DIAPH2: variants seen among roughly 807,000 people sequenced by gnomAD.
The protein encoded by DIAPH2 is diaphanous related formin 2, also known as protein diaphanous homolog 2.
DIAPH2 carries 35 observed loss-of-function variants against 92.7 expected under a neutral mutation model. The observed-to-expected ratio is 0.38, with a 90% CI of 0.29 to 0.50. DIAPH2 has a LOEUF of 0.50. DIAPH2 is among the 20% of genes least tolerant of loss of function. The pLI is 0.94. For synonymous variants in DIAPH2, 301 were observed against 280.4 expected (o/e 1.07, Z -0.73); for missense variants, 701 against 819.5 (o/e 0.86, Z 1.77).
intron 22 of DIAPH2, among the ~76,000 whole-genome samples, chrX:97,146,207 A>T (rs777405636): frequency 4.6e-5 from 5 of 108,714 alleles, no homozygotes; most frequent in African/African-American, 1.7e-4. Context: ...ATCACACTTT[A>T]TCACATTCAG....
chrX:96,738,522 T>G, intron 2 of DIAPH2, 64 bp from the exon 3 acceptor site: 1 of 964,346 alleles, frequency 1.0e-6, no homozygotes, highest in Non-Finnish European at 1.4e-6. Context: ...ATGTTTCAAT[T>G]CTTCATGTTA....
chrX:97,183,146 G>A (rs747732969), intron 22 of DIAPH2, among the ~76,000 whole-genome samples: 20 of 111,723 alleles, frequency 1.8e-4, no homozygotes, highest in African/African-American at 6.2e-4. Context: ...AAAAACTTTT[G>A]CGAATTTGTT....
intron 26 of DIAPH2, among the ~76,000 whole-genome samples, chrX:97,597,317 G>A (rs112391092): frequency 8.9e-6 from 1 of 112,131 alleles, no homozygotes; most frequent in African/African-American, 3.2e-5. Context: ...ATGTCTTTTC[G>A]TCAGTTTGTT....
intron 21 of DIAPH2, among the ~76,000 whole-genome samples, chrX:97,130,132 A>G (rs1174127356): frequency 8.9e-6 from 1 of 112,458 alleles, no homozygotes; most frequent in Non-Finnish European, 1.9e-5. Flanking sequence ...GATGTGGAGA[A>G]ATTTGAACCC....
At chrX:96,854,598 C>CATATATATATAT (rs57209486) in intron 4 of DIAPH2, among the ~76,000 whole-genome samples, 12 of 37,112 alleles carry the variant, frequency 3.2e-4, no homozygotes, top group Non-Finnish European at 4.2e-4. Flanking sequence ...CTCTCTCTCT[C>CATATATATATAT]ATATATATAT....
intron 17 of DIAPH2, among the ~76,000 whole-genome samples, chrX:97,010,021 G>A (rs954059885): frequency 3.6e-5 from 4 of 111,842 alleles, no homozygotes; most frequent in Admixed American, 9.4e-5. Context: ...GCCCAGGAAT[G>A]GCAGTTCTTG....
At chrX:97,063,300 A>AT (rs1378113567) in intron 17 of DIAPH2, among the ~76,000 whole-genome samples, 1 of 111,362 alleles carries the variant, frequency 9.0e-6, no homozygotes, top group Non-Finnish European at 1.9e-5. Context: ...TGTGCATAGA[A>AT]TAAGAACTGT....
At chrX:97,366,652 T>C (rs2069384133) in intron 24 of DIAPH2, among the ~76,000 whole-genome samples, 3 of 111,657 alleles carry the variant, frequency 2.7e-5, no homozygotes, top group Admixed American at 1.9e-4. Context: ...CTCTTTATGA[T>C]AAAAATCATT....
rs138558815 is a variant in DIAPH2 at position 97,326,136 on chromosome X, A to G, written c.2845-21980A>G. Among the ~76,000 whole-genome samples, 467 of 112,495 alleles carry G rather than the reference A, an allele frequency of 4.2e-3. 4 individuals carry two copies. The highest frequency in any genetic ancestry group is 0.014 in the African/African-American group (443 of 31,042). On this transcript the variant is annotated intron_variant, in intron 23 of 26. Coordinates refer to ENST00000324765, the MANE Select transcript of DIAPH2 (RefSeq NM_006729.5). ...AATATTCTTTTTAAAATATGGTCAA[A>G]TACAAATTGAAAGCAACTATATCTG...
intron 23 of DIAPH2, among the ~76,000 whole-genome samples, chrX:97,316,583 G>C (rs775489638): frequency 3.6e-5 from 4 of 110,485 alleles, no homozygotes; most frequent in Non-Finnish European, 7.6e-5. Flanking sequence ...TTGAACCCAG[G>C]AGGCAGAGGT....
At position 97,600,309 on chromosome X, in the gene DIAPH2, A is replaced by C; in HGVS notation, c.*992A>C. ...TGAGAGGAAAAAGAATTCTTTTTAC[A>C]GGAGGCAGCAGAAAACTGTCTGAAA... On this transcript the variant is annotated 3_prime_UTR_variant, in exon 27 of 27. Coordinates refer to ENST00000324765, the MANE Select transcript of DIAPH2 (RefSeq NM_006729.5). The C allele has an allele frequency of 8.9e-6, 1 of 112,651 alleles. No homozygotes were observed. The highest frequency in any genetic ancestry group is 1.9e-5 in the Non-Finnish European group (1 of 53,201). 9.3% of individuals were successfully genotyped at this position (112,651 alleles called of 1,213,427 possible). A position where few individuals can be genotyped will look rare whatever the true frequency, so the allele number is the denominator to read the frequency against.
At chrX:97,512,471 C>T (rs1450509458) in intron 26 of DIAPH2, among the ~76,000 whole-genome samples, 2,925 of 44,976 alleles carry the variant, frequency 0.065, no homozygotes, top group African/African-American at 0.093. Flanking sequence ...CTCCTGGATT[C>T]ATTAATTTTT....
At chrX:97,149,872 T>G (rs1234548533) in intron 22 of DIAPH2, among the ~76,000 whole-genome samples, 1 of 110,978 alleles carries the variant, frequency 9.0e-6, no homozygotes, top group Admixed American at 9.7e-5. Flanking sequence ...AATACATATT[T>G]ATCTACATAA....
intron 25 of DIAPH2, among the ~76,000 whole-genome samples, chrX:97,398,535 G>A (rs1403990969): frequency 9.1e-6 from 1 of 110,337 alleles, no homozygotes; most frequent in African/African-American, 3.3e-5. Context: ...GGTGGAAGTG[G>A]GGGTAGGGGC....
intron 26 of DIAPH2, among the ~76,000 whole-genome samples, chrX:97,438,347 T>TGTTTG (rs200873674): frequency 7.4e-5 from 6 of 81,554 alleles, no homozygotes. Context: ...TGTTTTTTTT[T>TGTTTG]TTTGTTTGTT....
chrX:96,962,468 CATATATATAT>C lies in DIAPH2; in HGVS notation c.1936-2623_1936-2614del, dbSNP rs1182832566. Among the ~76,000 whole-genome samples the C allele has an allele frequency of 1.1e-3, 38 of 33,399 alleles. 4 individuals are homozygous for C. Among genetic ancestry groups the C allele is most frequent in the African/African-American group, 3.9e-3 (33 of 8,565 alleles). The allele number at this position is 33,399 out of a possible 115,157, so 29.0% of individuals were successfully genotyped here. A position where few individuals can be genotyped will look rare whatever the true frequency, so the allele number is the denominator to read the frequency against. On this transcript the variant is annotated intron_variant, in intron 16 of 26. Transcript: ENST00000324765. ...ATATATACACACACATATATATATA[CATATATATAT>C]ACACACACACACACACACATATATA...
Position 97,031,283 on chromosome X carries a change from C to G in DIAPH2, c.2051-41658C>G, listed in dbSNP as rs999947126. 6.6e-5 allele frequency among the ~76,000 whole-genome samples: 6 copies of G among 91,295 alleles called. No individual in the cohort carries two copies. In the South Asian group the frequency reaches 2.8e-3, roughly 43 times the overall value. The allele number at this position is 91,295 out of a possible 115,157, so 79.3% of individuals were successfully genotyped here. ...ACAAGAGGTCTCCATAACTAGTTTT[C>G]ATCAGAATGCAAAATGATAAAATTT... On this transcript the variant is annotated intron_variant, in intron 17 of 26. Coordinates refer to ENST00000324765, the MANE Select transcript of DIAPH2 (RefSeq NM_006729.5).
At chrX:96,991,363 C>T (rs1465810894) in intron 17 of DIAPH2, among the ~76,000 whole-genome samples, 1 of 110,176 alleles carries the variant, frequency 9.1e-6, no homozygotes, top group Non-Finnish European at 1.9e-5. Context: ...GGTGATCCAC[C>T]TGCCTCGCCC....
In DIAPH2 at chrX:97,603,241, T is replaced by TTTCTC. The variant is rs1273721005; in HGVS notation, c.*3927_*3931dup. On this transcript the variant is annotated 3_prime_UTR_variant, in exon 27 of 27. Coordinates refer to ENST00000324765, the MANE Select transcript of DIAPH2 (RefSeq NM_006729.5). ...TCCTTTTGTCCACTTATATAGTTAT[T>TTTCTC]TTCTCTTTAAAAAAAAATTTTTTTT... The TTTCTC allele has an allele frequency of 1.8e-5, 2 of 109,894 alleles. No individual in the cohort carries two copies. Among genetic ancestry groups the TTTCTC allele is most frequent in the Non-Finnish European group, 3.8e-5 (2 of 52,753 alleles). 9.1% of individuals were successfully genotyped at this position (109,894 alleles called of 1,213,427 possible).
Sources: allele counts gnomAD v4.1 joint callset (sites outside exome capture counted in the v4.1 genomes callset), GRCh38; gene constraint gnomAD v4.1.1; transcripts MANE v1.5; gene names NCBI Gene and HGNC (gene_info 2026-07-23, HGNC 2026-07-21).